Variants in ELP3 observed in about 807,000 individuals in gnomAD.
ELP3 encodes elongator acetyltransferase complex subunit 3.
Under a neutral mutation model 74.9 loss-of-function variants are expected in ELP3, and 56 were observed. The observed-to-expected ratio is 0.75, with a 90% confidence interval of 0.60 to 0.93. ELP3 has a LOEUF of 0.93. ELP3 is among the 40% of genes least tolerant of loss of function. The probability of loss-of-function intolerance (pLI) is 0.00; values close to 1 mark genes in which losing one functional copy is unlikely to be tolerated. For synonymous variants in ELP3, 222 were observed against 239.8 expected, an observed-to-expected ratio of 0.93 and a Z score of 0.68; for missense variants, 573 against 686.5, an observed-to-expected ratio of 0.83 and a Z score of 1.85.
intron 9 of ELP3, among the ~76,000 whole-genome samples, chr8:28,136,799 G>A (rs1453146450): frequency 6.6e-6 from 1 of 152,190 alleles, no homozygotes; most frequent in Admixed American, 6.5e-5. Flanking sequence ...AGAGGGGACT[G>A]TGAGTCCACT....
chr8:28,184,899 C>T (rs191810228), intron 14 of ELP3, among the ~76,000 whole-genome samples: 12 of 150,904 alleles, frequency 8.0e-5, no homozygotes, highest in Admixed American at 6.6e-4. Flanking sequence ...GGGTGGAAGG[C>T]GGAGGTTGCA....
chr8:28,111,804 G>T (rs1213483351), intron 6 of ELP3, among the ~76,000 whole-genome samples: 1 of 152,196 alleles, frequency 6.6e-6, no homozygotes, highest in Non-Finnish European at 1.5e-5. Flanking sequence ...AGAATTACCT[G>T]AGTAACTTCT....
chr8:28,137,788 A>C lies in ELP3; in HGVS notation c.997A>C (p.Lys333Gln). 1 of 1,614,044 alleles carries C rather than the reference A, an allele frequency of 6.2e-7. No homozygotes were observed. Among genetic ancestry groups the C allele is most frequent in the Non-Finnish European group, 8.5e-7 (1 of 1,180,018 alleles). The change falls in exon 10 of 15, where the codon AAA becomes CAA. Residue 333 changes from lysine to glutamine, a missense_variant. Coordinates refer to ENST00000256398, the MANE Select transcript of ELP3 (RefSeq NM_018091.6). ...IRGTGLYELW[K>Q]SGRYKSYSPS... ...TGGGACCGGGCTTTATGAGCTTTGG[A>C]AATCAGGAAGATATAAGAGTTACTC...
At chr8:28,176,934 G>A (rs1394773053) in intron 14 of ELP3, among the ~76,000 whole-genome samples, 1 of 152,004 alleles carries the variant, frequency 6.6e-6, no homozygotes, top group Non-Finnish European at 1.5e-5. Context: ...CTCCCTGAAA[G>A]AAAAAAACTC....
At chr8:28,114,118 T>C (rs1376275269) in intron 7 of ELP3, among the ~76,000 whole-genome samples, 1 of 151,598 alleles carries the variant, frequency 6.6e-6, no homozygotes, top group Non-Finnish European at 1.5e-5. Context: ...TTTTCCTTAT[T>C]TAACAAATCC....
Position 28,124,288 on chromosome 8 carries a change from G to T in ELP3, c.618-5214G>T, listed in dbSNP as rs115853421. Among the ~76,000 whole-genome samples the T allele has an allele frequency of 7.7e-3, 1,175 of 152,152 alleles. 21 individuals carry two copies. Among genetic ancestry groups the T allele is most frequent in the African/African-American group, 0.026 (1,091 of 41,522 alleles). On this transcript the variant is annotated intron_variant, in intron 7 of 14. Coordinates refer to ENST00000256398, the MANE Select transcript of ELP3 (RefSeq NM_018091.6). ...TGCGGTGGAAAGAACTGTCCCTTAA[G>T]AATCAGGAGACATAGTCTCCAGACT...
In ELP3 at chr8:28,145,366, C is replaced by A. The variant is rs922653862; in HGVS notation, c.1100+7475C>A. Among the ~76,000 whole-genome samples, 4 of 152,298 alleles carry A rather than the reference C, an allele frequency of 2.6e-5. No individual in the cohort carries two copies. In the East Asian group the frequency reaches 5.8e-4, roughly 22 times the overall value. On this transcript the variant is annotated intron_variant, in intron 10 of 14. Transcript: ENST00000256398. The stretch of plus-strand genomic sequence containing the variant: ...TTAATTTGATATTAGTTATGTCTTG[C>A]TAGGAAGAAACCACTGGCAAAGGAG...
rs1813520836 is a variant in ELP3, at chr8:28,148,574, TTTTAGATACTC to T, written c.1101-7363_1101-7353del. Among the ~76,000 whole-genome samples the T allele has an allele frequency of 3.3e-5, 5 of 152,320 alleles. No individual in the cohort carries two copies. In the South Asian group the frequency reaches 1.0e-3, roughly 32 times the overall value. On this transcript the variant is annotated intron_variant, in intron 10 of 14. Transcript: ENST00000256398. ...TAAGTATGGTGTTAGCGATAGGCAT[TTTTAGATACTC>T]TTTATCAAGTTGAGGAAGTTCCCCT...
intron 9 of ELP3, among the ~76,000 whole-genome samples, chr8:28,134,427 A>C (rs1320874893): frequency 6.6e-6 from 1 of 152,190 alleles, no homozygotes; most frequent in Non-Finnish European, 1.5e-5. Flanking sequence ...ATATGAGTGG[A>C]TCATATTTCT....
At chr8:28,129,394 C>G in intron 7 of ELP3, 108 bp from the exon 8 acceptor site, 1 of 1,184,020 alleles carries the variant, frequency 8.4e-7, no homozygotes, top group South Asian at 1.4e-5. Context: ...AGAGCCTACA[C>G]TCTTTACCAC....
chr8:28,188,385 A>T, intron 14 of ELP3, among the ~76,000 whole-genome samples: 1 of 149,836 alleles, frequency 6.7e-6, no homozygotes, highest in East Asian at 2.0e-4. Context: ...TAATCTGGTG[A>T]CTCTTGGTGG....
At chr8:28,162,934 C>T (rs1052277754) in intron 14 of ELP3, among the ~76,000 whole-genome samples, 1 of 152,148 alleles carries the variant, frequency 6.6e-6, no homozygotes, top group Non-Finnish European at 1.5e-5. Context: ...TCATGACCTG[C>T]GTCAGGGGAG....
chr8:28,100,004 T>C (rs749968886), intron 3 of ELP3, 38 bp downstream of exon 3: 24 of 1,613,474 alleles, frequency 1.5e-5, no homozygotes, highest in African/African-American at 2.7e-5. Flanking sequence ...ACACACTGGG[T>C]ATCTGTTCTG....
At chr8:28,178,671 A>T (rs145632196) in intron 14 of ELP3, among the ~76,000 whole-genome samples, 15 of 152,336 alleles carry the variant, frequency 9.8e-5, no homozygotes, top group Middle Eastern at 3.4e-3. Flanking sequence ...TACACCTAAG[A>T]GTGCAATTGC....
intron 8 of ELP3, 69 bp downstream of exon 8, chr8:28,129,732 C>T: frequency 6.3e-7 from 1 of 1,576,696 alleles, no homozygotes; most frequent in East Asian, 2.2e-5. Flanking sequence ...CATTCATACC[C>T]AGCCTTTCTT....
intron 7 of ELP3, among the ~76,000 whole-genome samples, chr8:28,123,870 A>C (rs1812470540): frequency 6.6e-6 from 1 of 151,000 alleles, no homozygotes; most frequent in Non-Finnish European, 1.5e-5. Flanking sequence ...CCTTTTCCAT[A>C]CATTTGCTTT....
chr8:28,099,844 G>A lies in ELP3; in HGVS notation c.136G>A (p.Ala46Thr), dbSNP rs1811401475. The A allele has an allele frequency of 6.2e-7, 1 of 1,614,210 alleles. No homozygotes were observed. Among genetic ancestry groups the A allele is most frequent in the Non-Finnish European group, 8.5e-7 (1 of 1,180,036 alleles). ...IDLNKVKTKT[A>T]AKYGLSAQPR... Reference sequence around the variant, plus strand: ...TACTTTCAGGGTGAAAACCAAGACAGCTGCCAAATATGGCCTTTCTGCCCA... The same window carrying A: ...TACTTTCAGGGTGAAAACCAAGACAACTGCCAAATATGGCCTTTCTGCCCA... The change falls in exon 3 of 15, where the codon GCT becomes ACT. Residue 46 changes from alanine (A) to threonine (T), a missense_variant. By Grantham distance (58) the Ala-to-Thr change is moderately conservative. Transcript: ENST00000256398.
intron 14 of ELP3, among the ~76,000 whole-genome samples, chr8:28,162,480 A>G (rs1814140524): frequency 6.6e-6 from 1 of 152,236 alleles, no homozygotes; most frequent in South Asian, 2.1e-4. Flanking sequence ...CTCAGTTGCC[A>G]GTACGAGCTG....
At chr8:28,172,548 G>A (rs924796668) in intron 14 of ELP3, among the ~76,000 whole-genome samples, 4 of 152,064 alleles carry the variant, frequency 2.6e-5, no homozygotes, top group East Asian at 1.9e-4. Context: ...TTGTATGTGT[G>A]TGGATTCTTT....
Sources: allele counts gnomAD v4.1 joint callset (sites outside exome capture counted in the v4.1 genomes callset), GRCh38; gene constraint gnomAD v4.1.1; transcripts MANE v1.5; gene names NCBI Gene and HGNC (gene_info 2026-07-23, HGNC 2026-07-21).